Variants in PHC3 observed in about 807,000 individuals in gnomAD.
The protein encoded by PHC3 is polyhomeotic-like protein 3.
A neutral mutation model predicts 107.4 loss-of-function variants in PHC3; 13 were observed. The observed-to-expected ratio is 0.12, with a 90% CI of 0.08 to 0.19. The LOEUF is 0.19. PHC3 is among the 10% of genes least tolerant of loss of function. The pLI is 1.00. For synonymous variants in PHC3, 456 were observed against 427.4 expected, an observed-to-expected ratio of 1.07 and a Z score of -0.83; for missense variants, 992 against 1,210.9, an observed-to-expected ratio of 0.82 and a Z score of 2.68.
At chr3:170,135,151 G>A (rs1012366966) in intron 7 of PHC3, among the ~76,000 whole-genome samples, 3 of 152,002 alleles carry the variant, frequency 2.0e-5, no homozygotes, top group Admixed American at 6.6e-5. Flanking sequence ...TTGTTTGTTT[G>A]TTTGTTTGTT....
At chr3:170,133,895 G>C (rs1244437452) in intron 7 of PHC3, among the ~76,000 whole-genome samples, 1 of 152,114 alleles carries the variant, frequency 6.6e-6, no homozygotes, top group Non-Finnish European at 1.5e-5. Flanking sequence ...AACCCTGAAA[G>C]AGTTCCCGGC....
At chr3:170,175,961 C>T (rs1460058943) in intron 2 of PHC3, among the ~76,000 whole-genome samples, 2 of 149,932 alleles carry the variant, frequency 1.3e-5, no homozygotes, top group Non-Finnish European at 3.0e-5. Context: ...GGCACGGTAG[C>T]TCATGCCTGT....
intron 14 of PHC3, 50 bp downstream of exon 14, chr3:170,102,429 T>C: frequency 6.3e-7 from 1 of 1,578,240 alleles, no homozygotes. Context: ...AACATTGCTG[T>C]GTGTGAATGC....
At chr3:170,179,729 C>A (rs1249922320) in intron 1 of PHC3, among the ~76,000 whole-genome samples, 1 of 152,172 alleles carries the variant, frequency 6.6e-6, no homozygotes, top group African/African-American at 2.4e-5. Flanking sequence ...TATAATCTTA[C>A]TTGTTGTGGT....
rs1036071218 is a variant in PHC3, at chr3:170,163,841, C to T, written c.414+7532G>A. 1.6e-3 allele frequency among the ~76,000 whole-genome samples: 193 copies of T among 120,052 alleles called. 1 individual carries two copies. Among genetic ancestry groups the T allele is most frequent in the African/African-American group, 6.4e-3 (186 of 28,894 alleles). 78.8% of individuals were successfully genotyped at this position (120,052 alleles called of 152,430 possible). A position where few individuals can be genotyped will look rare whatever the true frequency, so the allele number is the denominator to read the frequency against. ...TCATGCCACTGCACTCCAGCCTGGG[C>T]AACAGTGCAAGACTCTGTCCAAAAA... On this transcript the variant is annotated intron_variant, in intron 4 of 14. Transcript: ENST00000495893.
intron 11 of PHC3, among the ~76,000 whole-genome samples, chr3:170,107,305 C>G (rs902012104): frequency 1.3e-5 from 2 of 152,052 alleles, no homozygotes; most frequent in Admixed American, 6.6e-5. Flanking sequence ...TTTCAAAAAG[C>G]TGAGGGTGGG....
At chr3:170,155,518 C>T (rs1457018696) in intron 4 of PHC3, among the ~76,000 whole-genome samples, 3 of 152,058 alleles carry the variant, frequency 2.0e-5, no homozygotes, top group Admixed American at 1.3e-4. Context: ...CTCAGGAGTT[C>T]GAGACCAGCC....
At chr3:170,136,304 A>G in intron 7 of PHC3, 115 bp downstream of exon 7, 1 of 1,257,016 alleles carries the variant, frequency 8.0e-7, no homozygotes. Flanking sequence ...TAAAATTCAC[A>G]TTTTAAAATG....
intron 5 of PHC3, 59 bp downstream of exon 5, chr3:170,149,027 A>G: frequency 6.7e-7 from 1 of 1,496,080 alleles, no homozygotes; most frequent in Non-Finnish European, 9.2e-7. Flanking sequence ...TCAAATCAAG[A>G]AACATTTTGA....
At chr3:170,113,877 TCCAAC>T (rs1718352556) in intron 10 of PHC3, among the ~76,000 whole-genome samples, 1 of 152,156 alleles carries the variant, frequency 6.6e-6, no homozygotes, top group East Asian at 1.9e-4. Context: ...GGTAGCTCAG[TCCAAC>T]ACTGAAAAAC....
intron 4 of PHC3, among the ~76,000 whole-genome samples, chr3:170,157,801 A>G (rs2108647456): frequency 6.6e-6 from 1 of 152,238 alleles, no homozygotes; most frequent in South Asian, 2.1e-4. Context: ...CTTGATCTAA[A>G]AACAATCTCA....
rs1464025031 is a variant in PHC3, at chr3:170,089,132, A to C, written c.*8098T>G. On this transcript the variant is annotated 3_prime_UTR_variant, in exon 15 of 15. Coordinates refer to ENST00000495893, the MANE Select transcript of PHC3 (RefSeq NM_024947.4). ...CATTGAGCCAAGATCACACCGCTGCACTCAAGCCTGGGTGACAGTGAGACT... is the reference window on the plus strand; with the variant it reads ...CATTGAGCCAAGATCACACCGCTGCCCTCAAGCCTGGGTGACAGTGAGACT... 1 of 152,200 alleles carries C rather than the reference A, an allele frequency of 6.6e-6. No individual in the cohort carries two copies. The highest frequency in any genetic ancestry group is 1.5e-5 in the Non-Finnish European group (1 of 68,036). 9.4% of individuals were successfully genotyped at this position (152,200 alleles called of 1,614,324 possible).
chr3:170,114,296 A>G (rs989919048), intron 10 of PHC3, among the ~76,000 whole-genome samples: 5 of 152,226 alleles, frequency 3.3e-5, no homozygotes, highest in Admixed American at 6.5e-5. Flanking sequence ...GGCGTGAGCC[A>G]CTGCGCCCGG....
Position 170,104,969 on chromosome 3 carries a change from A to G in PHC3, c.2468+1863T>C, listed in dbSNP as rs1716197985. On this transcript the variant is annotated intron_variant, in intron 12 of 14. Coordinates refer to ENST00000495893, the MANE Select transcript of PHC3 (RefSeq NM_024947.4). ...CCCTAAATATTTAGCTTTCCAAGAC[A>G]GCTAGGCAGACATGTAAATGGCAAT... Among the ~76,000 whole-genome samples the G allele has an allele frequency of 2.0e-5, 3 of 152,210 alleles. No homozygotes were observed. The South Asian group carries it at 6.2e-4, about 32-fold the overall frequency.
At chr3:170,179,062 G>T in intron 1 of PHC3, 124 bp from the exon 2 acceptor site, 1 of 878,520 alleles carries the variant, frequency 1.1e-6, no homozygotes. Context: ...ATAAAAGACA[G>T]CCAACACACA....
At chr3:170,148,359 T>A (rs773933752) in intron 5 of PHC3, 12 of 152,216 alleles carry the variant, frequency 7.9e-5, no homozygotes, top group Non-Finnish European at 1.8e-4. Context: ...AATATAAATA[T>A]ATATTAGGGA....
chr3:170,136,996 G>GT (rs1438873050), intron 6 of PHC3, among the ~76,000 whole-genome samples: 1 of 151,884 alleles, frequency 6.6e-6, no homozygotes, highest in Non-Finnish European at 1.5e-5. Flanking sequence ...AATAAAAGCA[G>GT]TATGTATATA....
intron 12 of PHC3, among the ~76,000 whole-genome samples, chr3:170,105,983 G>A (rs1190458496): frequency 1.3e-5 from 2 of 152,126 alleles, no homozygotes; most frequent in African/African-American, 2.4e-5. Flanking sequence ...AGGCCAAGGC[G>A]GGCAGATCAC....
chr3:170,159,168 C>G (rs145322404), intron 4 of PHC3, among the ~76,000 whole-genome samples: 1 of 145,140 alleles, frequency 6.9e-6, no homozygotes, highest in South Asian at 2.2e-4. Context: ...GGAGAACGGG[C>G]GTGAACCTGG....
Sources: allele counts gnomAD v4.1 joint callset (sites outside exome capture counted in the v4.1 genomes callset), GRCh38; gene constraint gnomAD v4.1.1; transcripts MANE v1.5; gene names NCBI Gene and HGNC (gene_info 2026-07-23, HGNC 2026-07-21).